MTCL1: variants seen among roughly 807,000 people sequenced by gnomAD.
MTCL1 encodes the protein microtubule cross-linking factor 1.
Under a neutral mutation model 141.4 loss-of-function variants are expected in MTCL1, and 79 were observed. The observed-to-expected ratio is 0.56, with a 90% CI of 0.47 to 0.67. The LOEUF (loss-of-function observed/expected upper bound fraction) is 0.67. Among genes scored for constraint, MTCL1 ranks in the 30% least tolerant of loss-of-function variants. MTCL1 has a pLI of 0.00. For synonymous variants in MTCL1, 914 were observed against 875.8 expected (o/e 1.04, Z -0.77); for missense variants, 2,177 against 2,113.9 (o/e 1.03, Z -0.59).
chr18:8,750,292 C>T (rs761793100), intron 4 of MTCL1, among the ~76,000 whole-genome samples: 3 of 152,204 alleles, frequency 2.0e-5, no homozygotes, highest in South Asian at 4.1e-4. Context: ...GTGATCTGCC[C>T]GCCTCAGCCT....
intron 4 of MTCL1, among the ~76,000 whole-genome samples, chr18:8,730,482 G>T (rs1178701491): frequency 6.6e-6 from 1 of 152,134 alleles, no homozygotes; most frequent in Non-Finnish European, 1.5e-5. Context: ...GTTAATAAAG[G>T]CCAGTAATTC....
intron 9 of MTCL1, 85 bp downstream of exon 8, chr18:8,796,547 C>T: frequency 2.4e-6 from 3 of 1,260,126 alleles, no homozygotes; most frequent in Non-Finnish European, 3.4e-6. Context: ...ACCCTACACA[C>T]AGTCATGTTC....
At chr18:8,826,075 C>G (rs534643009) in exon 15 of MTCL1, 2 of 1,610,996 alleles carry the variant, frequency 1.2e-6, no homozygotes, top group East Asian at 2.2e-5. Flanking sequence ...TCTGCTCCCC[C>G]TGGCTACACG....
chr18:8,831,586 C>T (rs1474696153), intron 16 of MTCL1, 21 bp from the exon 15 acceptor site: 1 of 1,548,842 alleles, frequency 6.5e-7, no homozygotes, highest in East Asian at 2.4e-5. Context: ...GTAACCCTGT[C>T]TCCCTTTCTC....
At position 8,819,279 on chromosome 18, in the gene MTCL1, T is replaced by G. The variant is rs2076763700; in HGVS notation, c.3156+20T>G. 1.2e-6 allele frequency: 2 copies of G among 1,612,018 alleles called. No homozygotes were observed. Among genetic ancestry groups the G allele is most frequent in the Non-Finnish European group, 1.7e-6 (2 of 1,179,124 alleles). ...CCTGAGGTCAGCCAGGTTTTGTCCA[T>G]CCTAGTTAACCACTGTGGAATGAGG... is the stretch of plus-strand genomic sequence containing the variant. On this transcript the variant is annotated intron_variant, in intron 13 of 16. Transcript: ENST00000359865.
intron 4 of MTCL1, among the ~76,000 whole-genome samples, chr18:8,762,243 G>T (rs1046622887): frequency 6.6e-6 from 1 of 152,214 alleles, no homozygotes; most frequent in East Asian, 1.9e-4. Flanking sequence ...ACACCTCGCC[G>T]AATGGCATCC....
Position 8,810,291 on chromosome 18 carries a change from C to T in MTCL1, c.2605-2688C>T. On this transcript the variant is annotated intron_variant, in intron 11 of 16. Transcript: ENST00000359865. This position sits in a 1 kb window ranked among gnomAD's most constrained non-coding sequence, Gnocchi z 5.0. ...AGAAGGAGCACAGACAGTGCAGTAA[C>T]AGGAGCCGCGGAGTCATGGGGACGC... The T allele has an allele frequency of 6.6e-6, 1 of 152,628 alleles. No individual in the cohort carries two copies. Among genetic ancestry groups the T allele is most frequent in the Non-Finnish European group, 1.5e-5 (1 of 68,386 alleles). The allele number at this position is 152,628 out of a possible 1,614,324, so 9.5% of individuals were successfully genotyped here.
chr18:8,710,457 C>A (rs1032740169), intron 1 of MTCL1, among the ~76,000 whole-genome samples: 7 of 121,818 alleles, frequency 5.7e-5, no homozygotes, highest in Non-Finnish European at 3.4e-5. Context: ...CAGGCACTTT[C>A]TTTTTTTTTT....
At chr18:8,763,646 T>G (rs2096444470) in intron 4 of MTCL1, among the ~76,000 whole-genome samples, 1 of 152,252 alleles carries the variant, frequency 6.6e-6, no homozygotes, top group Non-Finnish European at 1.5e-5. Flanking sequence ...TCTCTCAGCC[T>G]TATTGCTCAT....
chr18:8,815,476 G>A (rs2076622951), intron 12 of MTCL1, among the ~76,000 whole-genome samples: 1 of 151,960 alleles, frequency 6.6e-6, no homozygotes, highest in South Asian at 2.1e-4. Flanking sequence ...GTTGTGGGGT[G>A]CGGGGAGGTG....
At chr18:8,783,545 T>G (rs757157104) in exon 6 of MTCL1, 1 of 1,602,868 alleles carries the variant, frequency 6.2e-7, no homozygotes, top group Admixed American at 1.7e-5. Context: ...CAGTGCCGAT[T>G]TGAGGTGCCA....
exon 6 of MTCL1, chr18:8,784,189 C>G (rs1043623677): frequency 4.3e-6 from 7 of 1,613,810 alleles, no homozygotes; most frequent in Non-Finnish European, 5.9e-6. Context: ...AGCACGAGAA[C>G]CACGCGCTGC....
At chr18:8,825,120 A>G (rs1184708828) in exon 15 of MTCL1, 2 of 1,596,608 alleles carry the variant, frequency 1.3e-6, no homozygotes, top group Non-Finnish European at 1.7e-6. Context: ...CAGGGTCGAC[A>G]GCATCACGGC....
chr18:8,769,185 G>A (rs1049468277), intron 4 of MTCL1, among the ~76,000 whole-genome samples: 1 of 152,158 alleles, frequency 6.6e-6, no homozygotes, highest in African/African-American at 2.4e-5. Context: ...TTTTATAAAT[G>A]CCCAAGGGCC....
At chr18:8,813,653 T>C (rs565229672) in intron 12 of MTCL1, among the ~76,000 whole-genome samples, 4 of 152,328 alleles carry the variant, frequency 2.6e-5, no homozygotes, top group South Asian at 4.1e-4. Context: ...TGAATGGAAT[T>C]GTTGTCATTA....
exon 15 of MTCL1, chr18:8,825,443 C>G (rs2076990855): frequency 1.9e-6 from 3 of 1,569,430 alleles, no homozygotes; most frequent in Non-Finnish European, 1.7e-6. Flanking sequence ...CCTGCCAGAC[C>G]AATGGGTCCC....
chr18:8,743,886 T>C lies in MTCL1; in HGVS notation c.357+23390T>C, dbSNP rs1489422867. 3.3e-5 allele frequency among the ~76,000 whole-genome samples: 5 copies of C among 152,224 alleles called. No individual in the cohort carries two copies. The South Asian group carries it at 1.0e-3, about 31-fold the overall frequency. The stretch of plus-strand genomic sequence containing the variant: ...GATATTTGAGGGGCATTATTCTGGC[T>C]ACTATAGTAGGAAAGCAAAACTTCA... On this transcript the variant is annotated intron_variant, in intron 4 of 16. Coordinates refer to ENST00000359865, the Ensembl canonical transcript of MTCL1.
At chr18:8,714,329 A>C (rs966890002), upstream of MTCL1, among the ~76,000 whole-genome samples, 5 of 152,152 alleles carry the variant, frequency 3.3e-5, no homozygotes, top group Admixed American at 2.6e-4. Flanking sequence ...GTTAGTAATG[A>C]GGGTGAGGTG....
intron 4 of MTCL1, among the ~76,000 whole-genome samples, chr18:8,766,414 G>C (rs2096460151): frequency 6.6e-6 from 1 of 152,100 alleles, no homozygotes; most frequent in South Asian, 2.1e-4. Flanking sequence ...CTGTGCCCTG[G>C]TCTGCATCAG....
Sources: allele counts gnomAD v4.1 joint callset (sites outside exome capture counted in the v4.1 genomes callset), GRCh38; gene constraint gnomAD v4.1.1; non-coding constraint Gnocchi (gnomAD v3.1); transcripts MANE v1.5; gene names NCBI Gene and HGNC (gene_info 2026-07-23, HGNC 2026-07-21).